Variants in GABBR2 observed in about 807,000 individuals in gnomAD.
GABBR2 encodes gamma-aminobutyric acid type B receptor subunit 2, also known as G-protein coupled receptor 51.
GABBR2 carries 23 observed loss-of-function variants against 105.6 expected under a neutral mutation model. The ratio of observed to expected loss-of-function variants is 0.22; its 90% CI spans 0.16 to 0.31. GABBR2 has a LOEUF of 0.31. Among genes scored for constraint, GABBR2 ranks in the 10% least tolerant of loss-of-function variants. The pLI is 1.00. For missense variants in GABBR2, 734 were observed against 1,245.5 expected, an observed-to-expected ratio of 0.59 and a Z score of 6.18; for synonymous variants, 478 against 499.7, an observed-to-expected ratio of 0.96 and a Z score of 0.58.
chr9:98,571,883 C>A (rs939048830), intron 2 of GABBR2, among the ~76,000 whole-genome samples: 6 of 152,218 alleles, frequency 3.9e-5, no homozygotes, highest in South Asian at 2.1e-4. Flanking sequence ...TGCTTCTCCC[C>A]ACTTGCACCA....
At chr9:98,304,566 A>G (rs1830520470) in intron 15 of GABBR2, among the ~76,000 whole-genome samples, 1 of 152,228 alleles carries the variant, frequency 6.6e-6, no homozygotes, top group Non-Finnish European at 1.5e-5. Flanking sequence ...GGTGTGGACG[A>G]CTAAGGTGTG....
intron 1 of GABBR2, among the ~76,000 whole-genome samples, chr9:98,605,483 A>T (rs540628619): frequency 1.3e-3 from 200 of 152,296 alleles, no homozygotes; most frequent in African/African-American, 4.6e-3. Context: ...CATGAACGTG[A>T]TGGGGAAACC....
intron 9 of GABBR2, among the ~76,000 whole-genome samples, chr9:98,391,203 C>A (rs1340906732): frequency 6.6e-6 from 1 of 152,068 alleles, no homozygotes; most frequent in Non-Finnish European, 1.5e-5. Context: ...ACACACTAGC[C>A]ATAGGAAAAA....
chr9:98,576,687 C>A (rs913057159), intron 2 of GABBR2, among the ~76,000 whole-genome samples: 1 of 152,194 alleles, frequency 6.6e-6, no homozygotes, highest in Non-Finnish European at 1.5e-5. Flanking sequence ...TAAAAGAGTT[C>A]ACGCAGAAAA....
chr9:98,687,966 T>TG (rs2131876016), intron 1 of GABBR2, among the ~76,000 whole-genome samples: 2 of 152,310 alleles, frequency 1.3e-5, no homozygotes, highest in South Asian at 4.2e-4. Flanking sequence ...CCCCAGCACA[T>TG]GCCCCAAAGG....
rs528801385 is a variant in GABBR2 at position 98,301,006 on chromosome 9, G to C, written c.2413-1653C>G. Among the ~76,000 whole-genome samples, 13 of 152,302 alleles carry C rather than the reference G, an allele frequency of 8.5e-5. No individual in the cohort carries two copies. The South Asian group carries it at 1.7e-3, about 19-fold the overall frequency. On this transcript the variant is annotated intron_variant, in intron 16 of 18. Transcript: ENST00000259455. ...GAACACGTGAAGGTTCCTGGAGCATGGGGCCCAGGGAGGCAGGGAAGCTCC... is the reference window on the plus strand; with the variant it reads ...GAACACGTGAAGGTTCCTGGAGCATCGGGCCCAGGGAGGCAGGGAAGCTCC...
intron 7 of GABBR2, among the ~76,000 whole-genome samples, chr9:98,422,030 A>G (rs926652971): frequency 6.6e-6 from 1 of 152,216 alleles, no homozygotes; most frequent in Non-Finnish European, 1.5e-5. Flanking sequence ...ACAAACAGAC[A>G]ATAGAATGAA....
Position 98,457,566 on chromosome 9 carries a change from C to T in GABBR2, c.1000-3349G>A, listed in dbSNP as rs1283670260. On this transcript the variant is annotated intron_variant, in intron 6 of 18. Coordinates refer to ENST00000259455, the MANE Select transcript of GABBR2 (RefSeq NM_005458.8). ...ATCTATCTCAAAAAACTGTCCTTCC[C>T]GGGTACAAGGATCAGGAGGAGGGCC... 7.9e-5 allele frequency among the ~76,000 whole-genome samples: 12 copies of T among 152,090 alleles called. No individual in the cohort carries two copies. The East Asian group carries it at 1.3e-3, about 17-fold the overall frequency.
chr9:98,676,354 C>T (rs1433350375), intron 1 of GABBR2, among the ~76,000 whole-genome samples: 1 of 152,238 alleles, frequency 6.6e-6, no homozygotes, highest in Non-Finnish European at 1.5e-5. Context: ...ACCTCCAGAA[C>T]TATAAGATAA....
chr9:98,566,457 TGAG>T (rs1188242660), intron 2 of GABBR2, among the ~76,000 whole-genome samples: 1 of 152,058 alleles, frequency 6.6e-6, no homozygotes, highest in Admixed American at 6.6e-5. Context: ...GGGCGGATCA[TGAG>T]GTCAGAAGAT....
chr9:98,444,095 G>A (rs371420846), intron 7 of GABBR2, among the ~76,000 whole-genome samples: 1 of 152,180 alleles, frequency 6.6e-6, no homozygotes, highest in Non-Finnish European at 1.5e-5. Context: ...GAACTTTGCT[G>A]AGCCTGTTTC....
At chr9:98,329,589 C>T (rs10122226) in intron 13 of GABBR2, among the ~76,000 whole-genome samples, 22,999 of 152,196 alleles carry the variant, frequency 0.15, 2,234 homozygotes, top group African/African-American at 0.27. Context: ...GGCTTGGGCC[C>T]CTGAGGCATC....
chr9:98,312,913 C>T (rs1405674738), intron 13 of GABBR2, among the ~76,000 whole-genome samples: 1 of 152,066 alleles, frequency 6.6e-6, no homozygotes, highest in African/African-American at 2.4e-5. Context: ...CCATGCCTGG[C>T]TAATTTTTGT....
intron 11 of GABBR2, among the ~76,000 whole-genome samples, chr9:98,372,405 C>T (rs987323481): frequency 2.0e-5 from 3 of 152,226 alleles, no homozygotes; most frequent in African/African-American, 7.2e-5. Context: ...CTGGGGCCTC[C>T]CACTCACTGG....
At chr9:98,445,096 A>G (rs1235831930) in intron 7 of GABBR2, among the ~76,000 whole-genome samples, 1 of 152,240 alleles carries the variant, frequency 6.6e-6, no homozygotes, top group Non-Finnish European at 1.5e-5. Context: ...TGAATTTCTC[A>G]ATCATTTGTG....
intron 7 of GABBR2, among the ~76,000 whole-genome samples, chr9:98,411,312 T>C (rs1280588070): frequency 2.6e-5 from 4 of 152,238 alleles, no homozygotes; most frequent in Admixed American, 2.6e-4. Context: ...GATAAAACCC[T>C]AAGTTTTGGC....
chr9:98,290,427 C>T lies in GABBR2; in HGVS notation c.*157G>A. The T allele has an allele frequency of 2.4e-6, 1 of 422,674 alleles. No homozygotes were observed. 26.2% of individuals were successfully genotyped at this position (422,674 alleles called of 1,614,324 possible). On this transcript the variant is annotated 3_prime_UTR_variant, in exon 19 of 19. Transcript: ENST00000259455. ...GGTCAGGTGCCAAGTCTCCCCCTGC[C>T]CCGTCCTGTCCACCTGAGTGCCATC...
intron 16 of GABBR2, 95 bp downstream of exon 16, chr9:98,303,146 C>T (rs2131349701): frequency 1.1e-6 from 1 of 949,908 alleles, no homozygotes; most frequent in Non-Finnish European, 1.6e-6. Context: ...GGTCATGCTG[C>T]AGGGATGGTC....
chr9:98,418,329 A>C (rs1470117733), intron 7 of GABBR2, among the ~76,000 whole-genome samples: 1 of 152,094 alleles, frequency 6.6e-6, no homozygotes, highest in African/African-American at 2.4e-5. Flanking sequence ...TTGAGCCTGG[A>C]GTTCAAGACC....
Sources: allele counts gnomAD v4.1 joint callset (sites outside exome capture counted in the v4.1 genomes callset), GRCh38; gene constraint gnomAD v4.1.1; transcripts MANE v1.5; gene names NCBI Gene and HGNC (gene_info 2026-07-23, HGNC 2026-07-21).